Variants in EME2 observed in about 807,000 individuals in gnomAD.
EME2 encodes essential meiotic structure-specific endonuclease subunit 2, also known as structure-specific endonuclease subunit EME2.
In EME2, 58 loss-of-function variants were observed where a neutral mutation model predicts 41.9. The observed-to-expected ratio is 1.38, with a 90% confidence interval of 1.12 to 1.72. The LOEUF (loss-of-function observed/expected upper bound fraction) is 1.72, where lower values mean the gene tolerates loss of function less well. Ranked by LOEUF, EME2 falls within the 40% of genes most tolerant of loss-of-function variation. EME2 has a pLI of 0.00. For missense variants in EME2, 695 were observed against 541.9 expected (o/e 1.28, Z -2.81); for synonymous variants, 334 against 239.3 (o/e 1.40, Z -3.65).
At position 1,777,050 on chromosome 16, in the gene EME2, G is replaced by A. The variant is rs372575104; in HGVS notation, c.*812G>A. 4.6e-5 allele frequency: 73 copies of A among 1,572,196 alleles called. No homozygotes were observed. Among genetic ancestry groups the A allele is most frequent in the Non-Finnish European group, 3.5e-5 (40 of 1,153,250 alleles). ...AGGGACAGAGAAAGAAGGGACAGAGGAAAGGGGCTGTCCCAGCCCAAGAAG... is the reference window on the plus strand; with the variant it reads ...AGGGACAGAGAAAGAAGGGACAGAGAAAAGGGGCTGTCCCAGCCCAAGAAG... On this transcript the variant is annotated 3_prime_UTR_variant, in exon 8 of 8. Transcript: ENST00000568449.
rs2042721283 is a variant in EME2, at chr16:1,776,897, C to T, written c.*659C>T. On this transcript the variant is annotated 3_prime_UTR_variant, in exon 8 of 8. Transcript: ENST00000568449. ...ACCTGGGGCTCAGGGCAGCCGCTTC[C>T]CCACCCAGCACAGCAGCAGAGGGGC... is the stretch of plus-strand genomic sequence containing the variant. 6 of 637,830 alleles carry T rather than the reference C, an allele frequency of 9.4e-6. No homozygotes were observed. The South Asian group carries it at 1.3e-4, about 14-fold the overall frequency. 39.5% of individuals were successfully genotyped at this position (637,830 alleles called of 1,614,324 possible).
Position 1,781,015 on chromosome 16 carries a change from G to A in EME2, c.*4777G>A, listed in dbSNP as rs1205527089. The A allele has an allele frequency of 1.1e-5, 6 of 526,324 alleles. No homozygotes were observed. Among genetic ancestry groups the A allele is most frequent in the East Asian group, 5.7e-5 (1 of 17,440 alleles). The allele number at this position is 526,324 out of a possible 1,614,324, so 32.6% of individuals were successfully genotyped here. A position where few individuals can be genotyped will look rare whatever the true frequency, so the allele number is the denominator to read the frequency against. On this transcript the variant is annotated 3_prime_UTR_variant, in exon 8 of 8. Coordinates refer to ENST00000568449, the MANE Select transcript of EME2 (RefSeq NM_001257370.2). ...CCCAAAGTGCTAGGATTATAGGTGT[G>A]AGCCACAGTGCCCAGCCCCGTAGTG...
rs558675393 is a variant in EME2 at position 1,774,824 on chromosome 16, G to C, written c.478-217G>C. 35 of 617,082 alleles carry C rather than the reference G, an allele frequency of 5.7e-5. No individual in the cohort carries two copies. The East Asian group carries it at 8.1e-4, about 14-fold the overall frequency. 38.2% of individuals were successfully genotyped at this position (617,082 alleles called of 1,614,324 possible). On this transcript the variant is annotated intron_variant, in intron 3 of 7. Coordinates refer to ENST00000568449, the MANE Select transcript of EME2 (RefSeq NM_001257370.2). ...ATGAGGGGCTCAATGGAACTGACAT[G>C]TGCCCGAGCAGCCACTCCAGGGTCT... is the stretch of plus-strand genomic sequence containing the variant.
Position 1,781,264 on chromosome 16 carries a change from C to G in EME2, c.*5026C>G. 6.2e-7 allele frequency: 1 copy of G among 1,608,572 alleles called. No individual in the cohort carries two copies. Among genetic ancestry groups the G allele is most frequent in the Non-Finnish European group, 8.5e-7 (1 of 1,179,548 alleles). On this transcript the variant is annotated 3_prime_UTR_variant, in exon 8 of 8. Coordinates refer to ENST00000568449, the MANE Select transcript of EME2 (RefSeq NM_001257370.2). ...CTAGCCTCAGAAGCATCTTTTTCTCCGACTGATTCCGTGTTCAGGTAATGT... is the reference window on the plus strand; with the variant it reads ...CTAGCCTCAGAAGCATCTTTTTCTCGGACTGATTCCGTGTTCAGGTAATGT...
chr16:1,774,993 A>C, intron 3 of EME2, 48 bp from the exon 4 acceptor site: 1 of 1,494,394 alleles, frequency 6.7e-7, no homozygotes, highest in Non-Finnish European at 9.2e-7. Context: ...CCATGGCCAT[A>C]GGCCGCAGCC....
intron 5 of EME2, 59 bp downstream of exon 5, chr16:1,775,467 T>C: frequency 6.3e-7 from 1 of 1,597,564 alleles, no homozygotes; most frequent in Non-Finnish European, 8.6e-7. Flanking sequence ...ATTGGGCTGC[T>C]GGCTGGGTTT....
At position 1,777,314 on chromosome 16, in the gene EME2, CGGT is replaced by C. The variant is rs1486088219; in HGVS notation, c.*1079_*1081del. The C allele has an allele frequency of 6.2e-7, 1 of 1,609,720 alleles. No individual in the cohort carries two copies. Among genetic ancestry groups the C allele is most frequent in the Non-Finnish European group, 8.5e-7 (1 of 1,179,668 alleles). On this transcript the variant is annotated 3_prime_UTR_variant, in exon 8 of 8. Coordinates refer to ENST00000568449, the MANE Select transcript of EME2 (RefSeq NM_001257370.2). ...CGAGTCTGGCCGCAGCTGGCGCAGG[CGGT>C]GGCAGCACAGGTACTGGAGGGAAGT... is the stretch of plus-strand genomic sequence containing the variant.
chr16:1,775,073 C>G lies in EME2; in HGVS notation c.510C>G (p.Ile170Met), dbSNP rs534678192. The change falls in exon 4 of 8, where the codon ATC becomes ATG. Residue 170 changes from isoleucine (I) to methionine (M), a missense_variant. By Grantham distance (10) the Ile-to-Met change is conservative. Coordinates refer to ENST00000568449, the MANE Select transcript of EME2 (RefSeq NM_001257370.2). ...GCCCAACCCACTGGGTGCCCTGGAT[C>G]TCCCCCGAGACCACCGCCCGGCCCC... ...ISGPTHWVPW[I>M]SPETTARPHL... 1 of 1,610,418 alleles carries G rather than the reference C, an allele frequency of 6.2e-7. No homozygotes were observed.
intron 2 of EME2, 124 bp downstream of exon 2, chr16:1,773,965 C>A: frequency 1.6e-6 from 2 of 1,289,552 alleles, no homozygotes; most frequent in Non-Finnish European, 2.1e-6. Context: ...ATGGGTAAAG[C>A]AAGGATGGAG....
intron 1 of EME2, 73 bp from the exon 2 acceptor site, chr16:1,773,632 G>A: frequency 6.5e-7 from 1 of 1,543,776 alleles, no homozygotes; most frequent in Non-Finnish European, 8.7e-7. Flanking sequence ...TCCCCGGTCC[G>A]GCCACCCGCC....
In EME2 at chr16:1,777,110, C is replaced by G. The variant is rs749980964; in HGVS notation, c.*872C>G. ...CTGGGAAGTCAGTCAGGTCCGGCGG[C>G]AGCGCTTCCTCTGGCAGGGCCGAGG... On this transcript the variant is annotated 3_prime_UTR_variant, in exon 8 of 8. Coordinates refer to ENST00000568449, the MANE Select transcript of EME2 (RefSeq NM_001257370.2). The G allele has an allele frequency of 6.2e-7, 1 of 1,611,138 alleles. No individual in the cohort carries two copies. Among genetic ancestry groups the G allele is most frequent in the South Asian group, 1.1e-5 (1 of 90,984 alleles).
chr16:1,780,110 TCA>T lies in EME2; in HGVS notation c.*3877_*3878del, dbSNP rs1896663121. ...TGTGACAGCAGAGAGCAGCACCAGG[TCA>T]CACAAGCAGCCGCCCCGGAAGGACA... On this transcript the variant is annotated 3_prime_UTR_variant, in exon 8 of 8. Coordinates refer to ENST00000568449, the MANE Select transcript of EME2 (RefSeq NM_001257370.2). 1 of 151,096 alleles carries T rather than the reference TCA, an allele frequency of 6.6e-6. No individual in the cohort carries two copies. Among genetic ancestry groups the T allele is most frequent in the African/African-American group, 2.5e-5 (1 of 40,812 alleles). The allele number at this position is 151,096 out of a possible 1,614,324, so 9.4% of individuals were successfully genotyped here.
rs752026754 is a variant in EME2 at position 1,775,112 on chromosome 16, C to T, written c.549C>T (p.Ile183=). The change falls in exon 4 of 8, where the codon ATC becomes ATT. Residue 183 remains isoleucine (I), a synonymous_variant. Coordinates refer to ENST00000568449, the MANE Select transcript of EME2 (RefSeq NM_001257370.2). ...ETTARPHLAV[I]GLDAYLWSRQ... ...CCGCCCGGCCCCACCTGGCTGTCATCGGGCTGGATGCCTACCTGTGGTACC... is the reference window on the plus strand; with the variant it reads ...CCGCCCGGCCCCACCTGGCTGTCATTGGGCTGGATGCCTACCTGTGGTACC... 1.2e-5 allele frequency: 20 copies of T among 1,611,820 alleles called. No individual in the cohort carries two copies. In the African/African-American group the frequency reaches 1.7e-4, roughly 14 times the overall value.
rs937377554 is a variant in EME2, at chr16:1,781,104, G to T, written c.*4866G>T. 1.1e-5 allele frequency: 15 copies of T among 1,386,478 alleles called. No homozygotes were observed. The highest frequency in any genetic ancestry group is 9.6e-6 in the Non-Finnish European group (10 of 1,037,618). The allele number at this position is 1,386,478 out of a possible 1,614,324, so 85.9% of individuals were successfully genotyped here. A position where few individuals can be genotyped will look rare whatever the true frequency, so the allele number is the denominator to read the frequency against. On this transcript the variant is annotated 3_prime_UTR_variant, in exon 8 of 8. Transcript: ENST00000568449. ...CTCTCCATGCACCATGTGTTTCAGA[G>T]GAGAAAGCACAGTGAAGAATGCAGT...
Position 1,777,389 on chromosome 16 carries a change from G to A in EME2, c.*1151G>A, listed in dbSNP as rs1392273174. The A allele has an allele frequency of 3.8e-6, 6 of 1,592,558 alleles. No homozygotes were observed. Among genetic ancestry groups the A allele is most frequent in the Non-Finnish European group, 5.1e-6 (6 of 1,172,100 alleles). ...GACCTTCATGCTGCTCCGGGCCGCC[G>A]TGGAGCACACCATCGGGTAGAATCT... On this transcript the variant is annotated 3_prime_UTR_variant, in exon 8 of 8. Transcript: ENST00000568449.
At position 1,781,016 on chromosome 16, in the gene EME2, A is replaced by C. The variant is rs1896687330; in HGVS notation, c.*4778A>C. The C allele has an allele frequency of 1.9e-6, 1 of 530,176 alleles. No individual in the cohort carries two copies. The highest frequency in any genetic ancestry group is 3.4e-5 in the Admixed American group (1 of 29,744). 32.8% of individuals were successfully genotyped at this position (530,176 alleles called of 1,614,324 possible). On this transcript the variant is annotated 3_prime_UTR_variant, in exon 8 of 8. Coordinates refer to ENST00000568449, the MANE Select transcript of EME2 (RefSeq NM_001257370.2). The stretch of plus-strand genomic sequence containing the variant: ...CCAAAGTGCTAGGATTATAGGTGTG[A>C]GCCACAGTGCCCAGCCCCGTAGTGG...
rs990190809 is a variant in EME2 at position 1,772,974 on chromosome 16, C to T, written c.-254C>T. 1 of 1,447,710 alleles carries T rather than the reference C, an allele frequency of 6.9e-7. No individual in the cohort carries two copies. The highest frequency in any genetic ancestry group is 9.1e-7 in the Non-Finnish European group (1 of 1,102,724). 89.7% of individuals were successfully genotyped at this position (1,447,710 alleles called of 1,614,324 possible). A position where few individuals can be genotyped will look rare whatever the true frequency, so the allele number is the denominator to read the frequency against. Reference sequence around the variant, plus strand: ...GTCGGCCCAGGCCCGGACCGGCAGCCGGCGTCCAGAGAACGGCCGCGTCAA... The same window carrying T: ...GTCGGCCCAGGCCCGGACCGGCAGCTGGCGTCCAGAGAACGGCCGCGTCAA... On this transcript the variant is annotated 5_prime_UTR_variant, in exon 1 of 8. Coordinates refer to ENST00000568449, the MANE Select transcript of EME2 (RefSeq NM_001257370.2).
chr16:1,779,961 C>T lies in EME2; in HGVS notation c.*3723C>T, dbSNP rs1161345904. On this transcript the variant is annotated 3_prime_UTR_variant, in exon 8 of 8. Coordinates refer to ENST00000568449, the MANE Select transcript of EME2 (RefSeq NM_001257370.2). ...CGGCCCCCACCCGGTGGGTAAGGAC[C>T]CTGTTTCCCAATTTGCCCCCAAGGC... 6.6e-6 allele frequency: 1 copy of T among 152,178 alleles called. No homozygotes were observed. Among genetic ancestry groups the T allele is most frequent in the African/African-American group, 2.4e-5 (1 of 41,440 alleles). The allele number at this position is 152,178 out of a possible 1,614,324, so 9.4% of individuals were successfully genotyped here.
chr16:1,780,898 C>A lies in EME2; in HGVS notation c.*4660C>A. ...CAGGCACGTGCCACCACGCCTGACA[C>A]ATTTTTTAAATTTTTGTAGAGACAG... is the stretch of plus-strand genomic sequence containing the variant. On this transcript the variant is annotated 3_prime_UTR_variant, in exon 8 of 8. Coordinates refer to ENST00000568449, the MANE Select transcript of EME2 (RefSeq NM_001257370.2). 3.0e-6 allele frequency: 1 copy of A among 333,614 alleles called. No individual in the cohort carries two copies. The highest frequency in any genetic ancestry group is 2.3e-5 in the South Asian group (1 of 42,596). 20.7% of individuals were successfully genotyped at this position (333,614 alleles called of 1,614,324 possible). A position where few individuals can be genotyped will look rare whatever the true frequency, so the allele number is the denominator to read the frequency against.
Sources: gnomAD v4.1 joint callset for allele counts on GRCh38, gnomAD v4.1.1 for gene constraint, MANE v1.5 for transcripts, NCBI Gene and HGNC (gene_info 2026-07-23, HGNC 2026-07-21) for gene names.